The following FAM227B variants were observed in gnomAD, a reference collection of about 807,000 sequenced individuals.
FAM227B encodes family with sequence similarity 227 member B, also known as protein FAM227B.
Under a neutral mutation model 73.8 loss-of-function variants are expected in FAM227B, and 88 were observed. The ratio of observed to expected loss-of-function variants is 1.19; its 90% CI spans 1.00 to 1.42. FAM227B has a LOEUF of 1.42. Ranked by LOEUF, FAM227B falls within the 40% of genes most tolerant of loss-of-function variation. FAM227B has a pLI of 0.00. For missense variants in FAM227B, 632 were observed against 590.9 expected, an observed-to-expected ratio of 1.07 and a Z score of -0.72; for synonymous variants, 210 against 190.5, an observed-to-expected ratio of 1.10 and a Z score of -0.84.
At chr15:49,553,159 A>G (rs2073239693) in intron 9 of FAM227B, among the ~76,000 whole-genome samples, 1 of 152,200 alleles carries the variant, frequency 6.6e-6, no homozygotes, top group African/African-American at 2.4e-5. Flanking sequence ...TATAAGCTGT[A>G]TCTACTTTAA....
chr15:49,484,844 T>G (rs1191116810), intron 11 of FAM227B: 1 of 169,554 alleles, frequency 5.9e-6, no homozygotes, highest in Non-Finnish European at 1.3e-5. Context: ...TGATAATGAT[T>G]ATTTAAATAT....
At chr15:49,478,413 T>C (rs1183136463) in intron 11 of FAM227B, among the ~76,000 whole-genome samples, 6 of 152,242 alleles carry the variant, frequency 3.9e-5, no homozygotes, top group Admixed American at 2.6e-4. Context: ...CATATATGTA[T>C]ATGTCGGTGT....
At chr15:49,386,444 TTTGAA>T (rs1246334530) in intron 11 of FAM227B, among the ~76,000 whole-genome samples, 1 of 151,794 alleles carries the variant, frequency 6.6e-6, no homozygotes, top group Non-Finnish European at 1.5e-5. Context: ...TTAAAAATTA[TTTGAA>T]TTGAATGATG....
intron 11 of FAM227B, chr15:49,487,253 A>G (rs1324424398): frequency 1.3e-5 from 2 of 151,840 alleles, no homozygotes; most frequent in Non-Finnish European, 2.9e-5. Flanking sequence ...CAAAATATAC[A>G]TATAAGCAGA....
chr15:49,426,937 G>A (rs1381985010), intron 11 of FAM227B, among the ~76,000 whole-genome samples: 1 of 151,934 alleles, frequency 6.6e-6, no homozygotes, highest in Non-Finnish European at 1.5e-5. Context: ...CTGTCGTAAG[G>A]TTATGTGGCT....
At chr15:49,615,054 A>G in intron 2 of FAM227B, 67 bp downstream of exon 2, 1 of 1,457,452 alleles carries the variant, frequency 6.9e-7, no homozygotes, top group Non-Finnish European at 9.6e-7. Context: ...GGGAGCCCTG[A>G]TTACCTGAAA....
chr15:49,466,359 G>A (rs1403407011), intron 11 of FAM227B, among the ~76,000 whole-genome samples: 5 of 152,156 alleles, frequency 3.3e-5, no homozygotes, highest in African/African-American at 1.2e-4. Context: ...AGGCAGAGCA[G>A]GTAGAGACTG....
intron 11 of FAM227B, among the ~76,000 whole-genome samples, chr15:49,427,055 G>A (rs1398125763): frequency 6.6e-6 from 1 of 151,938 alleles, no homozygotes; most frequent in Non-Finnish European, 1.5e-5. Flanking sequence ...ATGCTACAAT[G>A]AAGAATATAT....
intron 11 of FAM227B, among the ~76,000 whole-genome samples, chr15:49,404,598 C>A (rs1471063778): frequency 6.7e-6 from 1 of 150,012 alleles, no homozygotes; most frequent in African/African-American, 2.5e-5. Flanking sequence ...TTTTTTTTCA[C>A]TTTTCCATTT....
chr15:49,331,413 G>T (rs1322352824), intron 15 of FAM227B: 2 of 197,042 alleles, frequency 1.0e-5, no homozygotes. Flanking sequence ...ATAATTGAGG[G>T]CAGGGACCAT....
intron 10 of FAM227B, among the ~76,000 whole-genome samples, chr15:49,521,904 T>C (rs989264157): frequency 6.6e-6 from 1 of 152,008 alleles, no homozygotes; most frequent in Non-Finnish European, 1.5e-5. Context: ...AACCATGAAC[T>C]CCCTCCACCA....
chr15:49,447,200 C>T (rs1455104656), intron 11 of FAM227B, among the ~76,000 whole-genome samples: 1 of 151,550 alleles, frequency 6.6e-6, no homozygotes. Context: ...TATAATCCAC[C>T]AGGCCCATTG....
chr15:49,346,298 A>T (rs749057526), intron 13 of FAM227B, among the ~76,000 whole-genome samples: 1 of 152,200 alleles, frequency 6.6e-6, no homozygotes, highest in Non-Finnish European at 1.5e-5. Flanking sequence ...CTCTACCCTC[A>T]GGTTGTGCTA....
At chr15:49,384,925 C>G (rs918068371) in intron 11 of FAM227B, among the ~76,000 whole-genome samples, 11 of 151,900 alleles carry the variant, frequency 7.2e-5, no homozygotes, top group African/African-American at 2.4e-4. Context: ...ACATACTATT[C>G]TGTTTTTCAG....
At chr15:49,376,952 A>T (rs2046202536) in intron 11 of FAM227B, among the ~76,000 whole-genome samples, 1 of 151,994 alleles carries the variant, frequency 6.6e-6, no homozygotes, top group Admixed American at 6.6e-5. Context: ...TGTGCTATCA[A>T]ATACTAGGTC....
intron 11 of FAM227B, among the ~76,000 whole-genome samples, chr15:49,420,867 G>A (rs561603934): frequency 2.0e-5 from 3 of 152,040 alleles, no homozygotes; most frequent in South Asian, 4.1e-4. Context: ...TACCATGCCC[G>A]GCTAATTTTT....
chr15:49,609,172 T>C lies in FAM227B; in HGVS notation c.105+2043A>G, dbSNP rs926371320. Among the ~76,000 whole-genome samples the C allele has an allele frequency of 5.9e-5, 9 of 151,638 alleles. 1 individual carries two copies. The highest frequency in any genetic ancestry group is 2.2e-4 in the African/African-American group (9 of 41,326). On this transcript the variant is annotated intron_variant, in intron 3 of 15. Coordinates refer to ENST00000299338, the MANE Select transcript of FAM227B (RefSeq NM_152647.3). Reference sequence around the variant, plus strand: ...ACAATAGTGGAAAAAGAAGATGTTATAAAAACATAAAAATATTTTTATAAA... The same window carrying C: ...ACAATAGTGGAAAAAGAAGATGTTACAAAAACATAAAAATATTTTTATAAA...
intron 11 of FAM227B, among the ~76,000 whole-genome samples, chr15:49,384,636 A>G (rs1161886397): frequency 6.6e-6 from 1 of 152,022 alleles, no homozygotes; most frequent in African/African-American, 2.4e-5. Flanking sequence ...GTCATATTAT[A>G]CCAGATTGGC....
intron 11 of FAM227B, among the ~76,000 whole-genome samples, chr15:49,464,062 C>T (rs995724405): frequency 6.6e-6 from 1 of 152,028 alleles, no homozygotes; most frequent in Non-Finnish European, 1.5e-5. Context: ...TCCCCAAACA[C>T]CTGCTGTATG....
Sources: gnomAD v4.1 joint callset for allele counts (sites outside exome capture counted in the v4.1 genomes callset) on GRCh38, gnomAD v4.1.1 for gene constraint, MANE v1.5 for transcripts, NCBI Gene and HGNC (gene_info 2026-07-23, HGNC 2026-07-21) for gene names.